The following CFDP1 variants were observed in gnomAD, a reference collection of about 807,000 sequenced individuals.
The protein encoded by CFDP1 is heterochromatin-stabilizing protein CFDP1.
Under a neutral mutation model 40.1 loss-of-function variants are expected in CFDP1, and 31 were observed. That is an observed-to-expected ratio of 0.77 (90% CI 0.58 to 1.04). The LOEUF (loss-of-function observed/expected upper bound fraction) is 1.04, where lower values mean the gene tolerates loss of function less well. Ranked by LOEUF, CFDP1 falls within the 50% of genes least tolerant of loss-of-function variation. The pLI, the probability that CFDP1 is intolerant of heterozygous loss-of-function variation, is 0.00. For synonymous variants in CFDP1, 167 were observed against 120.0 expected (o/e 1.39, Z -2.56); for missense variants, 423 against 343.4 (o/e 1.23, Z -1.83).
intron 5 of CFDP1, among the ~76,000 whole-genome samples, chr16:75,320,613 G>A (rs180812166): frequency 2.0e-5 from 3 of 152,352 alleles, no homozygotes; most frequent in Admixed American, 2.0e-4. Flanking sequence ...GACTGTGAGA[G>A]TGTGTGATTG....
At chr16:75,353,185 T>C (rs993274738) in intron 5 of CFDP1, among the ~76,000 whole-genome samples, 1 of 152,200 alleles carries the variant, frequency 6.6e-6, no homozygotes, top group African/African-American at 2.4e-5. Context: ...GTATAGACCT[T>C]ACTGGATCCA....
At chr16:75,324,227 G>T (rs1052151758) in intron 5 of CFDP1, among the ~76,000 whole-genome samples, 2 of 152,172 alleles carry the variant, frequency 1.3e-5, no homozygotes, top group African/African-American at 4.8e-5. Flanking sequence ...TAGAGAGGGT[G>T]GGGGAGGTGT....
intron 4 of CFDP1, among the ~76,000 whole-genome samples, chr16:75,399,753 C>T (rs889315180): frequency 1.8e-4 from 28 of 151,950 alleles, no homozygotes; most frequent in African/African-American, 5.3e-4. Context: ...AGGCCAAGGG[C>T]GGGAGGATTA....
At chr16:75,428,285 T>A (rs116049724) in intron 1 of CFDP1, among the ~76,000 whole-genome samples, 1 of 152,162 alleles carries the variant, frequency 6.6e-6, no homozygotes, top group African/African-American at 2.4e-5. Flanking sequence ...TAAATGCTGA[T>A]ACTGCATTTA....
chr16:75,326,787 A>G (rs1363854021), intron 5 of CFDP1, among the ~76,000 whole-genome samples: 2 of 152,248 alleles, frequency 1.3e-5, no homozygotes, highest in African/African-American at 2.4e-5. Context: ...ACTAGAAGCT[A>G]GAAGACTGAC....
chr16:75,317,375 C>T (rs889534530), intron 5 of CFDP1, among the ~76,000 whole-genome samples: 5 of 152,224 alleles, frequency 3.3e-5, no homozygotes, highest in African/African-American at 4.8e-5. Flanking sequence ...CTTCTTTGAA[C>T]CACTCCCATG....
Position 75,367,932 on chromosome 16 carries a change from CT to C in CFDP1, c.650+27157del, listed in dbSNP as rs554072407. 3.9e-3 allele frequency among the ~76,000 whole-genome samples: 590 copies of C among 152,132 alleles called. 8 individuals are homozygous for C. The highest frequency in any genetic ancestry group is 0.013 in the African/African-American group (554 of 41,494). On this transcript the variant is annotated intron_variant, in intron 5 of 6. Coordinates refer to ENST00000283882, the MANE Select transcript of CFDP1 (RefSeq NM_006324.3). Reference sequence around the variant, plus strand: ...CCAGCCCAGCCAACATGGTGAAACTCTGCCTCTACTAAAAATACAAAAATTA... The same window carrying C: ...CCAGCCCAGCCAACATGGTGAAACTCGCCTCTACTAAAAATACAAAAATTA...
chr16:75,309,819 CAAAA>C (rs1156624164), intron 5 of CFDP1, among the ~76,000 whole-genome samples: 1 of 46,480 alleles, frequency 2.2e-5, no homozygotes, highest in Non-Finnish European at 3.5e-5. Flanking sequence ...GACTCCATCT[CAAAA>C]AAAAAAAAAA....
intron 5 of CFDP1, among the ~76,000 whole-genome samples, chr16:75,386,362 T>C (rs992143100): frequency 1.1e-4 from 16 of 152,206 alleles, no homozygotes; most frequent in African/African-American, 2.9e-4. Flanking sequence ...GTATTTGTTG[T>C]AGGTATTCAA....
intron 1 of CFDP1, among the ~76,000 whole-genome samples, chr16:75,428,399 A>G (rs2151605151): frequency 1.3e-5 from 2 of 152,234 alleles, no homozygotes; most frequent in Middle Eastern, 6.8e-3. Context: ...GTGGATCACA[A>G]GGTCAGGAGA....
intron 1 of CFDP1, among the ~76,000 whole-genome samples, chr16:75,431,117 T>TCAGTTGA (rs1203530142): frequency 6.6e-6 from 1 of 151,894 alleles, no homozygotes; most frequent in East Asian, 1.9e-4. Flanking sequence ...AACATACGGT[T>TCAGTTGA]CAGCTGTCAA....
At chr16:75,407,654 CAAAAAAAAAAAAAA>C (rs11456525) in intron 4 of CFDP1, among the ~76,000 whole-genome samples, 1 of 116,794 alleles carries the variant, frequency 8.6e-6, no homozygotes, top group African/African-American at 3.3e-5. Context: ...GACCCTGTCT[CAAAAAAAAAAAAAA>C]AAAAGAAAAA....
At chr16:75,349,553 C>T (rs2078593707) in intron 5 of CFDP1, among the ~76,000 whole-genome samples, 1 of 140,248 alleles carries the variant, frequency 7.1e-6, no homozygotes, top group African/African-American at 2.6e-5. Context: ...CTTTGGGAGG[C>T]TAAGGCAGAA....
intron 4 of CFDP1, 99 bp downstream of exon 4, chr16:75,411,726 T>G (rs944288256): frequency 8.2e-7 from 1 of 1,222,864 alleles, no homozygotes; most frequent in Middle Eastern, 1.9e-4. Flanking sequence ...TCCCAAAATA[T>G]TATGATGGAT....
intron 5 of CFDP1, among the ~76,000 whole-genome samples, chr16:75,348,736 A>G (rs537472603): frequency 6.6e-6 from 1 of 152,174 alleles, no homozygotes; most frequent in African/African-American, 2.4e-5. Context: ...CATGAACATT[A>G]AATGTCTTTA....
At chr16:75,433,145 G>A (rs2079444987) in intron 1 of CFDP1, 144 bp downstream of exon 1, 2 of 721,366 alleles carry the variant, frequency 2.8e-6, no homozygotes, top group East Asian at 2.8e-5. Flanking sequence ...CCGAGGATGA[G>A]GGGCCTGAGG....
chr16:75,411,950 T>C lies in CFDP1; in HGVS notation c.405A>G (p.Lys135=). The part of the protein sequence containing the change: ...SKVPPSTQVK[K]GEETEETSSS... ...AACTTGTCTCTTCAGTCTCCTCTCC[T>C]TTCTATAAAAAAAACAAGAAATGTA... Residue 135 remains lysine (K), a splice_region_variant and synonymous_variant, in exon 4 of 7, where the codon AAA becomes AAG. Coordinates refer to ENST00000283882, the MANE Select transcript of CFDP1 (RefSeq NM_006324.3). 1 of 1,590,468 alleles carries C rather than the reference T, an allele frequency of 6.3e-7. No homozygotes were observed. The highest frequency in any genetic ancestry group is 1.4e-5 in the African/African-American group (1 of 73,352).
Position 75,293,734 on chromosome 16 carries a change from A to G in CFDP1, c.*218T>C, listed in dbSNP as rs1338453453. The stretch of plus-strand genomic sequence containing the variant: ...GTCATCTTCATTATCCTCTCACAGG[A>G]CCAACTTTTATTTTATTTATTCATT... On this transcript the variant is annotated 3_prime_UTR_variant, in exon 7 of 7. Coordinates refer to ENST00000283882, the MANE Select transcript of CFDP1 (RefSeq NM_006324.3). The G allele has an allele frequency of 3.7e-6, 2 of 533,416 alleles. No individual in the cohort carries two copies. Among genetic ancestry groups the G allele is most frequent in the Admixed American group, 3.3e-5 (1 of 30,538 alleles). 33.0% of individuals were successfully genotyped at this position (533,416 alleles called of 1,614,324 possible). A position where few individuals can be genotyped will look rare whatever the true frequency, so the allele number is the denominator to read the frequency against.
chr16:75,293,765 A>C lies in CFDP1; in HGVS notation c.*187T>G. The C allele has an allele frequency of 3.4e-6, 2 of 580,050 alleles. No individual in the cohort carries two copies. The highest frequency in any genetic ancestry group is 4.3e-5 in the South Asian group (2 of 46,464). The allele number at this position is 580,050 out of a possible 1,614,324, so 35.9% of individuals were successfully genotyped here. On this transcript the variant is annotated 3_prime_UTR_variant, in exon 7 of 7. Transcript: ENST00000283882. ...TTTTATTTTATTTATTCATTTAAGGACAAATTTTTAAAAGTAAAGTGAATG... is the reference window on the plus strand; with the variant it reads ...TTTTATTTTATTTATTCATTTAAGGCCAAATTTTTAAAAGTAAAGTGAATG...
Sources: allele counts gnomAD v4.1 joint callset (sites outside exome capture counted in the v4.1 genomes callset), GRCh38; gene constraint gnomAD v4.1.1; transcripts MANE v1.5; gene names NCBI Gene and HGNC (gene_info 2026-07-23, HGNC 2026-07-21).